Variants in KCNIP4 observed in about 807,000 individuals in gnomAD.
The protein encoded by KCNIP4 is potassium voltage-gated channel interacting protein 4.
A neutral mutation model predicts 34.0 loss-of-function variants in KCNIP4; 12 were observed. That is an observed-to-expected ratio of 0.35 (90% CI 0.23 to 0.57). KCNIP4 has a LOEUF of 0.57. Among genes scored for constraint, KCNIP4 ranks in the 20% least tolerant of loss-of-function variants. KCNIP4 has a pLI of 0.83. For missense variants in KCNIP4, 238 were observed against 311.7 expected (o/e 0.76, Z 1.78); for synonymous variants, 124 against 102.2 (o/e 1.21, Z -1.29).
chr4:20,896,927 T>C (rs532459573), intron 1 of KCNIP4, among the ~76,000 whole-genome samples: 1 of 151,904 alleles, frequency 6.6e-6, no homozygotes, highest in East Asian at 1.9e-4. Flanking sequence ...TTCTCATTAG[T>C]ACTGGTATTT....
At chr4:21,908,122 T>C (rs1728100504) in intron 1 of KCNIP4, among the ~76,000 whole-genome samples, 1 of 152,174 alleles carries the variant, frequency 6.6e-6, no homozygotes, top group Non-Finnish European at 1.5e-5. Flanking sequence ...AAGTTCACAA[T>C]TCTATCACTT....
chr4:21,793,707 C>A (rs1422390688), intron 1 of KCNIP4, among the ~76,000 whole-genome samples: 2 of 152,190 alleles, frequency 1.3e-5, no homozygotes, highest in Admixed American at 6.5e-5. Context: ...CATACAAAAT[C>A]TGCCCATATA....
chr4:20,729,989 G>C lies in KCNIP4; in HGVS notation c.*93C>G. The C allele has an allele frequency of 7.1e-7, 1 of 1,418,078 alleles. No individual in the cohort carries two copies. The highest frequency in any genetic ancestry group is 9.4e-7 in the Non-Finnish European group (1 of 1,058,436). The allele number at this position is 1,418,078 out of a possible 1,614,324, so 87.8% of individuals were successfully genotyped here. ...TTTGCATAATATGCTTCAGTGTCAA[G>C]CTGAGCAATCTATGCTAAAAGTGGT... On this transcript the variant is annotated 3_prime_UTR_variant, in exon 9 of 9. Coordinates refer to ENST00000382152, the MANE Select transcript of KCNIP4 (RefSeq NM_025221.6).
chr4:21,240,638 G>A (rs993657989), intron 1 of KCNIP4, among the ~76,000 whole-genome samples: 2 of 152,080 alleles, frequency 1.3e-5, no homozygotes, highest in Admixed American at 6.5e-5. Flanking sequence ...ATCCTAGATA[G>A]GGTACAATTT....
intron 1 of KCNIP4, among the ~76,000 whole-genome samples, chr4:21,220,199 T>C (rs1757885388): frequency 6.6e-6 from 1 of 152,200 alleles, no homozygotes; most frequent in African/African-American, 2.4e-5. Flanking sequence ...TTTCACTATA[T>C]GGCTAGTACA....
chr4:21,285,608 C>A (rs1560253171), intron 1 of KCNIP4, among the ~76,000 whole-genome samples: 1 of 151,906 alleles, frequency 6.6e-6, no homozygotes, highest in Admixed American at 6.6e-5. Flanking sequence ...GTGGGTGGAT[C>A]ATTTGAGGTC....
Position 21,272,954 on chromosome 4 carries a change from T to C in KCNIP4, c.62-390245A>G, listed in dbSNP as rs1762240056. On this transcript the variant is annotated intron_variant, in intron 1 of 8. Coordinates refer to ENST00000382152, the MANE Select transcript of KCNIP4 (RefSeq NM_025221.6). ...TCTATCAGTATCGTCTTTGTTGAGA[T>C]GAAGCATTTTAGTGGCAATAGACTT... Among the ~76,000 whole-genome samples the C allele has an allele frequency of 2.6e-5, 4 of 152,270 alleles. No homozygotes were observed. The South Asian group carries it at 8.3e-4, about 32-fold the overall frequency.
At chr4:21,486,964 AT>A (rs969917744) in intron 1 of KCNIP4, among the ~76,000 whole-genome samples, 26 of 149,210 alleles carry the variant, frequency 1.7e-4, no homozygotes, top group East Asian at 3.9e-4. Flanking sequence ...CACCTGGCTA[AT>A]TTTTTTTTTA....
intron 1 of KCNIP4, among the ~76,000 whole-genome samples, chr4:21,592,123 T>C (rs1394710997): frequency 6.6e-6 from 1 of 152,048 alleles, no homozygotes; most frequent in Non-Finnish European, 1.5e-5. Flanking sequence ...TAGAAGTCAT[T>C]GACAGAGAGA....
chr4:21,026,441 C>T (rs1484571595), intron 1 of KCNIP4, among the ~76,000 whole-genome samples: 2 of 152,032 alleles, frequency 1.3e-5, no homozygotes, highest in African/African-American at 4.8e-5. Context: ...CTCGGTTGAA[C>T]CCAGGAGTTT....
intron 1 of KCNIP4, among the ~76,000 whole-genome samples, chr4:21,855,212 C>T (rs1011832261): frequency 2.0e-5 from 3 of 152,186 alleles, no homozygotes; most frequent in Non-Finnish European, 2.9e-5. Context: ...CCTGTATCTC[C>T]GCTTTCCCAT....
intron 1 of KCNIP4, among the ~76,000 whole-genome samples, chr4:21,056,462 G>T (rs1251561167): frequency 6.6e-6 from 1 of 152,042 alleles, no homozygotes; most frequent in Non-Finnish European, 1.5e-5. Flanking sequence ...TCACGTATTT[G>T]TCCACTGGGT....
intron 1 of KCNIP4, among the ~76,000 whole-genome samples, chr4:20,922,908 T>C (rs1729545987): frequency 6.6e-6 from 1 of 152,188 alleles, no homozygotes; most frequent in Non-Finnish European, 1.5e-5. Context: ...CCACTGTCTC[T>C]AAAAACCTTA....
At chr4:21,107,212 A>C (rs1577703059) in intron 1 of KCNIP4, among the ~76,000 whole-genome samples, 1 of 147,158 alleles carries the variant, frequency 6.8e-6, no homozygotes, top group South Asian at 2.2e-4. Flanking sequence ...AAAGTCTCCC[A>C]TTTTTATTGT....
chr4:21,678,031 C>G (rs564276609), intron 1 of KCNIP4, among the ~76,000 whole-genome samples: 12 of 152,158 alleles, frequency 7.9e-5, no homozygotes, highest in African/African-American at 2.4e-4. Flanking sequence ...GGACTACAGG[C>G]GTGAGCCACT....
intron 1 of KCNIP4, among the ~76,000 whole-genome samples, chr4:21,248,060 A>ATATGTGTGTGTG (rs1553845887): frequency 2.8e-5 from 4 of 145,288 alleles, no homozygotes; most frequent in African/African-American, 7.7e-5. Context: ...ATATATATAT[A>ATATGTGTGTGTG]TGTGTGTGTG....
chr4:20,731,551 T>C (rs1578407073), intron 8 of KCNIP4: 1 of 985,438 alleles, frequency 1.0e-6, no homozygotes. Context: ...CCATTTCTTG[T>C]CCACATACAC....
At chr4:20,808,088 G>A (rs566817040) in intron 3 of KCNIP4, among the ~76,000 whole-genome samples, 2 of 152,240 alleles carry the variant, frequency 1.3e-5, no homozygotes, top group South Asian at 2.1e-4. Flanking sequence ...GACATATGAA[G>A]AAACTGGAAA....
chr4:20,935,375 G>C (rs146540849), intron 1 of KCNIP4, among the ~76,000 whole-genome samples: 1 of 152,078 alleles, frequency 6.6e-6, no homozygotes, highest in Non-Finnish European at 1.5e-5. Context: ...GCTTCCAAGC[G>C]CTTGCCAAAT....
Sources: allele counts gnomAD v4.1 joint callset (sites outside exome capture counted in the v4.1 genomes callset), GRCh38; gene constraint gnomAD v4.1.1; transcripts MANE v1.5; gene names NCBI Gene and HGNC (gene_info 2026-07-23, HGNC 2026-07-21).